Variants in SYNE1 observed in about 807,000 individuals in gnomAD.
The protein encoded by SYNE1 is nesprin-1.
A neutral mutation model predicts 1,111.0 loss-of-function variants in SYNE1; 616 were observed. The ratio of observed to expected loss-of-function variants is 0.55; its 90% CI spans 0.52 to 0.59. The LOEUF is 0.59. SYNE1 is among the 20% of genes least tolerant of loss of function. SYNE1 has a pLI of 0.00. For synonymous variants in SYNE1, 3,855 were observed against 3,825.8 expected (o/e 1.01, Z -0.28); for missense variants, 10,006 against 10,417.0 (o/e 0.96, Z 1.72).
intron 3 of SYNE1, among the ~76,000 whole-genome samples, chr6:152,619,202 G>C (rs2099669475): frequency 6.6e-6 from 1 of 152,118 alleles, no homozygotes; most frequent in African/African-American, 2.4e-5. Context: ...TGAAAGTCTG[G>C]TTCCCCCCTT....
chr6:152,532,460 G>T (rs1320431145), intron 4 of SYNE1, among the ~76,000 whole-genome samples: 1 of 152,114 alleles, frequency 6.6e-6, no homozygotes, highest in Non-Finnish European at 1.5e-5. Context: ...ATTTGTGATT[G>T]CTAGGTACCT....
At position 152,387,158 on chromosome 6, in the gene SYNE1, A is replaced by G. The variant is rs2097537438; in HGVS notation, c.8401T>C (p.Tyr2801His). Residue 2801 changes from tyrosine to histidine, a missense_variant, in exon 54 of 146, where the codon TAC becomes CAC. Tyr to His is a moderately conservative substitution (Grantham distance 83). Around this residue, in one of 7 missense-constraint regions of SYNE1, gnomAD observed 4,955 missense variants for 5,017.2 expected, o/e 0.99. Coordinates refer to ENST00000367255, the MANE Select transcript of SYNE1 (RefSeq NM_182961.4). ...HRLIAKSREL[Y>H]EKTEDESFKD... is the part of the protein sequence containing the mutation. ...AAAGACTCATCCTCTGTCTTTTCGT[A>G]GAGCTCCCTGGACTTCGCAATTAGA... is the stretch of plus-strand genomic sequence containing the variant. The G allele has an allele frequency of 2.5e-6, 4 of 1,614,050 alleles. No homozygotes were observed. Among genetic ancestry groups the G allele is most frequent in the Non-Finnish European group, 3.4e-6 (4 of 1,180,030 alleles).
intron 3 of SYNE1, among the ~76,000 whole-genome samples, chr6:152,576,729 T>G (rs1195591462): frequency 6.6e-6 from 1 of 152,168 alleles, no homozygotes; most frequent in Non-Finnish European, 1.5e-5. Flanking sequence ...GAAATTATTT[T>G]ACACTCCTCT....
chr6:152,156,219 G>T, intron 131 of SYNE1, 122 bp from the exon 132 acceptor site: 1 of 1,035,124 alleles, frequency 9.7e-7, no homozygotes, highest in Non-Finnish European at 1.5e-6. Flanking sequence ...TTCCTTGAAT[G>T]TATGACATTT....
At chr6:152,417,428 G>A (rs370992739) in intron 40 of SYNE1, among the ~76,000 whole-genome samples, 1 of 152,110 alleles carries the variant, frequency 6.6e-6, no homozygotes, top group Non-Finnish European at 1.5e-5. Context: ...AACCCGGGAG[G>A]CGGAGCTTGC....
intron 4 of SYNE1, among the ~76,000 whole-genome samples, chr6:152,526,791 C>T (rs1267698501): frequency 6.6e-6 from 1 of 152,076 alleles, no homozygotes; most frequent in African/African-American, 2.4e-5. Context: ...TGGCATTGAA[C>T]CCAAAAGATC....
Position 152,483,232 on chromosome 6 carries a change from T to C in SYNE1, c.1203A>G (p.Ile401Met), listed in dbSNP as rs1291924640. 1.9e-6 allele frequency: 3 copies of C among 1,614,202 alleles called. No homozygotes were observed. In the South Asian group the frequency reaches 3.3e-5, roughly 18 times the overall value. Reference protein sequence around the residue: ...RVTSRLFDWHIQLDKSLPAPL... With the variant: ...RVTSRLFDWHMQLDKSLPAPL... Reference sequence around the variant, plus strand: ...GTGCAGGAAGAGATTTATCAAGCTGTATATGCCAGTCAAAGAGCTAAAATT... The same window carrying C: ...GTGCAGGAAGAGATTTATCAAGCTGCATATGCCAGTCAAAGAGCTAAAATT... Residue 401 changes from isoleucine (I) to methionine (M), a missense_variant, in exon 14 of 146, where the codon ATA (isoleucine) becomes ATG (methionine). Physicochemically the swap from Ile to Met is conservative, Grantham distance 10. Transcript: ENST00000367255.
intron 100 of SYNE1, 71 bp from the exon 101 acceptor site, chr6:152,262,259 T>C: frequency 7.2e-7 from 1 of 1,390,124 alleles, no homozygotes; most frequent in Non-Finnish European, 1.0e-6. Context: ...ACTTATTGTG[T>C]GTACCAGACC....
chr6:152,551,459 C>T (rs2099346388), intron 3 of SYNE1, among the ~76,000 whole-genome samples: 1 of 152,114 alleles, frequency 6.6e-6, no homozygotes, highest in African/African-American at 2.4e-5. Flanking sequence ...CACTGTGCCC[C>T]TCACATGTAC....
chr6:152,203,874 A>C (rs1264767672), intron 126 of SYNE1, among the ~76,000 whole-genome samples: 1 of 152,206 alleles, frequency 6.6e-6, no homozygotes, highest in Non-Finnish European at 1.5e-5. Flanking sequence ...ATTGTCTATC[A>C]GGGACAGAGT....
At chr6:152,553,047 G>A (rs1213108510) in intron 3 of SYNE1, among the ~76,000 whole-genome samples, 1 of 152,122 alleles carries the variant, frequency 6.6e-6, no homozygotes, top group Admixed American at 6.5e-5. Flanking sequence ...TAGAATGTAT[G>A]TGGCAGGCAT....
chr6:152,498,386 CTA>C (rs2099010959), intron 11 of SYNE1, among the ~76,000 whole-genome samples: 1 of 151,636 alleles, frequency 6.6e-6, no homozygotes, highest in Non-Finnish European at 1.5e-5. Context: ...AGATACAAAA[CTA>C]AACCTTTATT....
intron 11 of SYNE1, among the ~76,000 whole-genome samples, chr6:152,492,435 C>T (rs1249100838): frequency 6.6e-6 from 1 of 152,222 alleles, no homozygotes; most frequent in African/African-American, 2.4e-5. Flanking sequence ...AATACCTAAA[C>T]CACAGTGGCC....
At chr6:152,526,217 C>A in intron 4 of SYNE1, 42 bp from the exon 5 acceptor site, 1 of 1,570,292 alleles carries the variant, frequency 6.4e-7, no homozygotes, top group South Asian at 1.1e-5. Context: ...ATATCTCTTC[C>A]CTCTCTGTTT....
chr6:152,500,868 A>G (rs2695249), intron 10 of SYNE1, among the ~76,000 whole-genome samples: 72,220 of 150,240 alleles, frequency 0.48, 18,144 homozygotes, highest in East Asian at 0.75. Context: ...GGAGAATGGC[A>G]TGAACCTGGG....
intron 3 of SYNE1, among the ~76,000 whole-genome samples, chr6:152,620,185 G>T (rs535343605): frequency 1.3e-5 from 2 of 152,022 alleles, no homozygotes; most frequent in African/African-American, 2.4e-5. Flanking sequence ...TCTTTGTTTG[G>T]CTTTCAGACC....
intron 3 of SYNE1, among the ~76,000 whole-genome samples, chr6:152,555,421 T>A (rs1363641181): frequency 6.6e-6 from 1 of 152,198 alleles, no homozygotes; most frequent in Admixed American, 6.5e-5. Context: ...TACAGTAAAA[T>A]GCTATTCAGG....
chr6:152,153,546 A>C (rs1030482938), intron 133 of SYNE1, among the ~76,000 whole-genome samples: 2 of 152,248 alleles, frequency 1.3e-5, no homozygotes, highest in African/African-American at 4.8e-5. Flanking sequence ...AATAGCATCA[A>C]AAAGAATCTT....
intron 3 of SYNE1, among the ~76,000 whole-genome samples, chr6:152,600,885 C>G (rs923837864): frequency 1.3e-5 from 2 of 152,250 alleles, no homozygotes; most frequent in Admixed American, 6.5e-5. Flanking sequence ...TTAAATGAAA[C>G]TACGGTAAAA....
Sources: gnomAD v4.1 joint callset for allele counts (sites outside exome capture counted in the v4.1 genomes callset) on GRCh38, gnomAD v4.1.1 for gene constraint, gnomAD v4.1.1 regional missense constraint, MANE v1.5 for transcripts, NCBI Gene and HGNC (gene_info 2026-07-23, HGNC 2026-07-21) for gene names.